Variants in YME1L1 observed in about 807,000 individuals in gnomAD.
YME1L1 encodes ATP-dependent zinc metalloprotease YME1L1.
A neutral mutation model predicts 90.4 loss-of-function variants in YME1L1; 39 were observed. The observed-to-expected ratio is 0.43, with a 90% CI of 0.33 to 0.56. The LOEUF (loss-of-function observed/expected upper bound fraction) is 0.56, where lower values mean the gene tolerates loss of function less well. YME1L1 is among the 20% of genes least tolerant of loss of function. The pLI, the probability that YME1L1 is intolerant of heterozygous loss-of-function variation, is 0.03. For synonymous variants in YME1L1, 284 were observed against 287.3 expected, an observed-to-expected ratio of 0.99 and a Z score of 0.12; for missense variants, 617 against 868.4, an observed-to-expected ratio of 0.71 and a Z score of 3.64.
intron 14 of YME1L1, among the ~76,000 whole-genome samples, chr10:27,118,686 T>A (rs2056837358): frequency 6.6e-6 from 1 of 152,336 alleles, no homozygotes; most frequent in South Asian, 2.1e-4. Context: ...TCATCTTAAT[T>A]CAAAAGGGAA....
At chr10:27,130,487 G>A (rs769994643) in intron 8 of YME1L1, among the ~76,000 whole-genome samples, 101 of 152,206 alleles carry the variant, frequency 6.6e-4, no homozygotes, top group East Asian at 3.5e-3. Flanking sequence ...ACTTTCATTC[G>A]TATCTCTCAC....
chr10:27,134,418 C>T (rs573671139), intron 6 of YME1L1, among the ~76,000 whole-genome samples: 1 of 152,178 alleles, frequency 6.6e-6, no homozygotes, highest in South Asian at 2.1e-4. Flanking sequence ...ATTCCATCTC[C>T]ACAAAAATTA....
At chr10:27,147,729 G>A (rs1056492479) in intron 2 of YME1L1, 13 of 1,543,454 alleles carry the variant, frequency 8.4e-6, no homozygotes, top group Non-Finnish European at 6.1e-6. Context: ...GTTCCTGTCT[G>A]TAACACCCGT....
chr10:27,143,469 G>A (rs1025001359), intron 3 of YME1L1, among the ~76,000 whole-genome samples: 9 of 152,028 alleles, frequency 5.9e-5, no homozygotes, highest in African/African-American at 1.9e-4. Context: ...GGAGGCTGAG[G>A]CGGGCGGATC....
intron 4 of YME1L1, among the ~76,000 whole-genome samples, chr10:27,141,661 G>C (rs2057089153): frequency 6.7e-6 from 1 of 149,594 alleles, no homozygotes; most frequent in Non-Finnish European, 1.5e-5. Context: ...CGTCTTATTA[G>C]AAAGGTGTTT....
At chr10:27,115,526 G>A (rs2056804336) in intron 17 of YME1L1, among the ~76,000 whole-genome samples, 1 of 151,810 alleles carries the variant, frequency 6.6e-6, no homozygotes, top group African/African-American at 2.4e-5. Context: ...GCCCAGGCTG[G>A]TCCAGAACTC....
chr10:27,124,197 T>A (rs1029279212), intron 9 of YME1L1, among the ~76,000 whole-genome samples: 2 of 152,226 alleles, frequency 1.3e-5, no homozygotes, highest in East Asian at 1.9e-4. Flanking sequence ...GACACTGTCC[T>A]TATTCTTAGG....
At chr10:27,145,299 A>G in intron 3 of YME1L1, 129 bp downstream of exon 3, 1 of 763,764 alleles carries the variant, frequency 1.3e-6, no homozygotes, top group Non-Finnish European at 1.8e-6. Flanking sequence ...CAAAAAAAAA[A>G]ACAAAAAAAA....
chr10:27,120,701 A>G (rs2056858612), intron 12 of YME1L1, among the ~76,000 whole-genome samples, 154 bp from the exon 13 acceptor site: 2 of 152,254 alleles, frequency 1.3e-5, no homozygotes, highest in South Asian at 2.1e-4. Flanking sequence ...CCTTTAAAAC[A>G]TGGCTCAAGT....
chr10:27,118,418 AC>A (rs1190944002), intron 14 of YME1L1, among the ~76,000 whole-genome samples: 1 of 152,118 alleles, frequency 6.6e-6, no homozygotes, highest in East Asian at 1.9e-4. Context: ...AGTAGATGGG[AC>A]CACAGTCGCA....
chr10:27,130,642 A>G (rs1180157203), intron 8 of YME1L1, among the ~76,000 whole-genome samples: 3 of 152,192 alleles, frequency 2.0e-5, no homozygotes, highest in East Asian at 1.9e-4. Flanking sequence ...ACCTGAGGTC[A>G]GGAGTTCAAG....
rs1206029629 is a variant in YME1L1, at chr10:27,121,260, C to CA, written c.1298+125_1298+126insT. ...AACCCAATTTGTCTCTGTGAATTTG[C>CA]TTATTCTGGATATTGCATATAAATG... On this transcript the variant is annotated intron_variant, in intron 12 of 18. Coordinates refer to ENST00000376016, the MANE Select transcript of YME1L1 (RefSeq NM_014263.4). 11 of 680,196 alleles carry CA rather than the reference C, an allele frequency of 1.6e-5. No individual in the cohort carries two copies. In the African/African-American group the frequency reaches 2.0e-4, roughly 12 times the overall value. 42.1% of individuals were successfully genotyped at this position (680,196 alleles called of 1,614,324 possible).
intron 8 of YME1L1, among the ~76,000 whole-genome samples, chr10:27,130,390 A>C (rs995616071): frequency 6.6e-6 from 1 of 152,192 alleles, no homozygotes; most frequent in East Asian, 1.9e-4. Flanking sequence ...ATGTGGACTT[A>C]ACATACATAT....
intron 11 of YME1L1, 87 bp from the exon 12 acceptor site, chr10:27,121,535 C>A (rs1314009334): frequency 2.0e-6 from 2 of 991,502 alleles, no homozygotes; most frequent in Non-Finnish European, 3.1e-6. Flanking sequence ...GGTTTGTTTT[C>A]TTTTTTTGAG....
intron 4 of YME1L1, among the ~76,000 whole-genome samples, chr10:27,141,445 G>A (rs58815520): frequency 2.6e-5 from 4 of 152,142 alleles, no homozygotes; most frequent in African/African-American, 7.2e-5. Flanking sequence ...ACTAGCAAAA[G>A]TAAATATACT....
At chr10:27,144,715 C>T (rs562351498) in intron 3 of YME1L1, among the ~76,000 whole-genome samples, 1 of 152,100 alleles carries the variant, frequency 6.6e-6, no homozygotes, top group Admixed American at 6.5e-5. Flanking sequence ...CAACGCCCCC[C>T]CATTCTGCTA....
rs770215218 is a variant in YME1L1, at chr10:27,134,849, G to A, written c.673C>T (p.Leu225Phe). ...FAEGFLKAQA[L>F]TQKTNDSLRR... ...AACTTACCATTGGTTTTTTGTGTGA[G>A]TGCTTGAGCTTTCAGAAAACCTTCC... The change falls in exon 6 of 19, where the codon CTC becomes TTC. Residue 225 changes from leucine (L) to phenylalanine (F), a missense_variant. Leu to Phe is a conservative substitution (Grantham distance 22). This residue lies in a region of YME1L1 where 311 missense variants were observed against 335.8 expected (regional missense o/e 0.93). Transcript: ENST00000376016. 1.9e-6 allele frequency: 3 copies of A among 1,613,886 alleles called. No homozygotes were observed. The Admixed American group carries it at 5.0e-5, about 27-fold the overall frequency.
intron 7 of YME1L1, 132 bp from the exon 8 acceptor site, chr10:27,132,073 G>C: frequency 1.6e-6 from 1 of 642,990 alleles, no homozygotes; most frequent in East Asian, 2.8e-5. Flanking sequence ...TATCAAATCA[G>C]AGTGAGGAAT....
At chr10:27,121,343 A>G (rs766335007) in intron 12 of YME1L1, 43 bp downstream of exon 12, 6 of 1,366,802 alleles carry the variant, frequency 4.4e-6, no homozygotes, top group Non-Finnish European at 6.3e-6. Context: ...ACAATTTTGT[A>G]GCATGTAACA....
Sources: allele counts gnomAD v4.1 joint callset (sites outside exome capture counted in the v4.1 genomes callset), GRCh38; gene constraint gnomAD v4.1.1; regional missense constraint gnomAD v4.1.1; transcripts MANE v1.5; gene names NCBI Gene and HGNC (gene_info 2026-07-23, HGNC 2026-07-21).